The following RFX8 variants were observed in gnomAD, a reference collection of about 807,000 sequenced individuals.
The protein encoded by RFX8 is regulatory factor X8.
In RFX8, 46 loss-of-function variants were observed where a neutral mutation model predicts 54.6. That is an observed-to-expected ratio of 0.84 (90% CI 0.67 to 1.08). RFX8 has a LOEUF of 1.08. Among genes scored for constraint, RFX8 ranks in the 50% least tolerant of loss-of-function variants. The probability of loss-of-function intolerance (pLI) is 0.00; values close to 1 mark genes in which losing one functional copy is unlikely to be tolerated. For synonymous variants in RFX8, 192 were observed against 209.5 expected (o/e 0.92, Z 0.72); for missense variants, 536 against 562.3 (o/e 0.95, Z 0.47).
chr2:101,421,586 T>G (rs548387256), intron 4 of RFX8, 138 bp downstream of exon 4: 1 of 1,426,092 alleles, frequency 7.0e-7, no homozygotes, highest in Non-Finnish European at 9.2e-7. Context: ...GTACATAGCA[T>G]GTAAGCACTT....
chr2:101,444,276 G>C (rs941759971), intron 2 of RFX8, among the ~76,000 whole-genome samples: 1 of 152,246 alleles, frequency 6.6e-6, no homozygotes, highest in African/African-American at 2.4e-5. Flanking sequence ...AGCAGTGCCA[G>C]AAGAATGAAG....
chr2:101,472,374 T>C (rs977222033), intron 1 of RFX8, among the ~76,000 whole-genome samples: 8 of 152,072 alleles, frequency 5.3e-5, no homozygotes, highest in Non-Finnish European at 8.8e-5. Flanking sequence ...AGTGCTGGGA[T>C]TACAGGCCTG....
chr2:101,456,031 A>G (rs996117399), intron 2 of RFX8, among the ~76,000 whole-genome samples: 80 of 152,296 alleles, frequency 5.3e-4, no homozygotes, highest in South Asian at 1.0e-3. Context: ...ATTGGTGTAT[A>G]GGAATGCTTG....
In RFX8 at chr2:101,413,053, T is replaced by C. The variant is rs1467627618; in HGVS notation, c.580A>G (p.Lys194Glu). The change falls in exon 8 of 12, where the codon AAA becomes GAA. Residue 194 changes from lysine to glutamate, a missense_variant. Lys to Glu is a moderately conservative substitution (Grantham distance 56). Coordinates refer to ENST00000428343, the MANE Select transcript of RFX8 (RefSeq NM_001145664.2). ...NMAKTMRMVL[K>E]SKRRVSVLKS... ...AAAACGCTGACACGCCTCTTACTTT[T>C]CAATACCATTCGCATAGTCTAAAGA... The C allele has an allele frequency of 1.3e-6, 2 of 1,551,982 alleles. No individual in the cohort carries two copies. The highest frequency in any genetic ancestry group is 1.7e-6 in the Non-Finnish European group (2 of 1,147,044).
rs1170335970 is a variant in RFX8 at position 101,413,110 on chromosome 2, G to C, written c.562-39C>G. 4 of 1,516,338 alleles carry C rather than the reference G, an allele frequency of 2.6e-6. No individual in the cohort carries two copies. In the East Asian group the frequency reaches 9.9e-5, roughly 38 times the overall value. The allele number at this position is 1,516,338 out of a possible 1,614,324, so 93.9% of individuals were successfully genotyped here. On this transcript the variant is annotated intron_variant, in intron 7 of 11. Coordinates refer to ENST00000428343, the MANE Select transcript of RFX8 (RefSeq NM_001145664.2). Reference sequence around the variant, plus strand: ...GGAGGCATAATACTTAATTCAATCTGGTCATTTTATTTTTGCCTAACTCTC... The same window carrying C: ...GGAGGCATAATACTTAATTCAATCTCGTCATTTTATTTTTGCCTAACTCTC...
At chr2:101,437,371 A>C (rs1277579012) in intron 2 of RFX8, among the ~76,000 whole-genome samples, 1 of 152,148 alleles carries the variant, frequency 6.6e-6, no homozygotes, top group Non-Finnish European at 1.5e-5. Context: ...CCAGGAGTTC[A>C]AGACCAGTGT....
chr2:101,422,560 G>A, intron 2 of RFX8, 88 bp from the exon 3 acceptor site: 1 of 756,134 alleles, frequency 1.3e-6, no homozygotes, highest in Non-Finnish European at 2.3e-6. Flanking sequence ...ACTACTATAA[G>A]TTAATATTGT....
chr2:101,416,334 C>T (rs1429239412), intron 6 of RFX8, among the ~76,000 whole-genome samples: 1 of 152,088 alleles, frequency 6.6e-6, no homozygotes, highest in Non-Finnish European at 1.5e-5. Flanking sequence ...CTCCTTGGAC[C>T]GCTTTTGCAG....
chr2:101,428,313 A>G (rs904424498), intron 2 of RFX8, among the ~76,000 whole-genome samples: 2 of 152,120 alleles, frequency 1.3e-5, no homozygotes, highest in African/African-American at 4.8e-5. Flanking sequence ...CTCTGGGAGT[A>G]ATTAGGTCAC....
At chr2:101,402,323 T>A in intron 11 of RFX8, 113 bp downstream of exon 11, 1 of 938,778 alleles carries the variant, frequency 1.1e-6, no homozygotes, top group Non-Finnish European at 1.6e-6. Context: ...TAAAGATGAC[T>A]GTAGAATCGT....
At chr2:101,456,937 G>C (rs1056814721) in intron 2 of RFX8, among the ~76,000 whole-genome samples, 12 of 152,220 alleles carry the variant, frequency 7.9e-5, no homozygotes, top group Admixed American at 5.2e-4. Flanking sequence ...GTCTTGGGAG[G>C]GGGTATGTGT....
chr2:101,404,497 C>T (rs559085693), intron 10 of RFX8, among the ~76,000 whole-genome samples: 68 of 152,134 alleles, frequency 4.5e-4, no homozygotes, highest in Admixed American at 1.6e-3. Context: ...GTGGCACAAT[C>T]TCAGCTCACT....
intron 9 of RFX8, among the ~76,000 whole-genome samples, chr2:101,410,392 C>CACAT (rs1491566070): frequency 1.1e-3 from 7 of 6,366 alleles, no homozygotes; most frequent in African/African-American, 3.8e-3. Context: ...TGCCCACACT[C>CACAT]ACACACACAC....
At chr2:101,449,103 G>C (rs908151489) in intron 2 of RFX8, among the ~76,000 whole-genome samples, 2 of 152,196 alleles carry the variant, frequency 1.3e-5, no homozygotes, top group Non-Finnish European at 2.9e-5. Flanking sequence ...TGGATGGTGG[G>C]AGCAAAGGTG....
intron 2 of RFX8, among the ~76,000 whole-genome samples, chr2:101,459,345 T>C (rs1343379564): frequency 6.6e-6 from 1 of 152,246 alleles, no homozygotes; most frequent in Non-Finnish European, 1.5e-5. Context: ...CCCATCTTTG[T>C]GATTTTATCT....
chr2:101,421,773 G>T lies in RFX8; in HGVS notation c.188C>A (p.Ala63Asp). The T allele has an allele frequency of 6.5e-7, 1 of 1,548,854 alleles. No homozygotes were observed. Among genetic ancestry groups the T allele is most frequent in the East Asian group, 2.4e-5 (1 of 40,822 alleles). The change falls in exon 4 of 12, where the codon GCC becomes GAC. Residue 63 changes from alanine (A) to aspartate (D), a missense_variant. Coordinates refer to ENST00000428343, the MANE Select transcript of RFX8 (RefSeq NM_001145664.2). ...QAKKYSCNMM[A>D]FLADEYCNYC... The stretch of plus-strand genomic sequence containing the variant: ...GTTGCAGTATTCGTCAGCAAGGAAG[G>T]CCATCTAGGAAGAATATGGAAAATT...
intron 9 of RFX8, among the ~76,000 whole-genome samples, chr2:101,406,435 G>A (rs557342113): frequency 7.2e-6 from 1 of 139,500 alleles, no homozygotes; most frequent in Non-Finnish European, 1.5e-5. Flanking sequence ...GGGCTTAAGC[G>A]ATCTTCCCAT....
chr2:101,474,244 C>T (rs1187181356), intron 1 of RFX8: 1 of 616,970 alleles, frequency 1.6e-6, no homozygotes, highest in African/African-American at 1.9e-5. Context: ...ACCCTCGCCG[C>T]TCGACGGCGA....
intron 9 of RFX8, among the ~76,000 whole-genome samples, chr2:101,409,453 C>G (rs1040314752): frequency 1.3e-5 from 2 of 151,880 alleles, no homozygotes; most frequent in Non-Finnish European, 1.5e-5. Flanking sequence ...GTCTCCATCT[C>G]CTGACCTTGT....
Sources: gnomAD v4.1 joint callset for allele counts (sites outside exome capture counted in the v4.1 genomes callset) on GRCh38, gnomAD v4.1.1 for gene constraint, MANE v1.5 for transcripts, NCBI Gene and HGNC (gene_info 2026-07-23, HGNC 2026-07-21) for gene names.